PRKCH: variants seen among roughly 807,000 people sequenced by gnomAD.
PRKCH encodes the protein protein kinase C eta, also known as protein kinase C eta type.
In PRKCH, 28 loss-of-function variants were observed where a neutral mutation model predicts 82.5. That is an observed-to-expected ratio of 0.34 (90% CI 0.25 to 0.47). The LOEUF (loss-of-function observed/expected upper bound fraction) is 0.47. PRKCH is among the 20% of genes least tolerant of loss of function. The probability of loss-of-function intolerance (pLI) is 1.00; values close to 1 mark genes in which losing one functional copy is unlikely to be tolerated. For synonymous variants in PRKCH, 322 were observed against 327.4 expected (o/e 0.98, Z 0.18); for missense variants, 705 against 881.8 (o/e 0.80, Z 2.54).
chr14:61,237,157 C>T (rs149864686), intron 1 of PRKCH, among the ~76,000 whole-genome samples: 2 of 150,970 alleles, frequency 1.3e-5, no homozygotes, highest in African/African-American at 2.4e-5. Flanking sequence ...GCAGAAGAAT[C>T]GCTTGAACCC....
At chr14:61,468,100 G>A (rs1885339242) in intron 9 of PRKCH, among the ~76,000 whole-genome samples, 1 of 152,192 alleles carries the variant, frequency 6.6e-6, no homozygotes, top group African/African-American at 2.4e-5. Flanking sequence ...CGGGAATAGA[G>A]GCAGTTTTCC....
intron 1 of PRKCH, among the ~76,000 whole-genome samples, chr14:61,359,087 T>G (rs1385591658): frequency 6.6e-6 from 1 of 152,242 alleles, no homozygotes; most frequent in African/African-American, 2.4e-5. Flanking sequence ...CCATGTGTCA[T>G]TCCACCTCAT....
chr14:61,341,995 A>G (rs2045934850), intron 1 of PRKCH, among the ~76,000 whole-genome samples: 1 of 151,916 alleles, frequency 6.6e-6, no homozygotes, highest in Admixed American at 6.6e-5. Context: ...GAGGCATGAG[A>G]AAGGGTTCTC....
intron 1 of PRKCH, among the ~76,000 whole-genome samples, chr14:61,202,811 A>C (rs181343307): frequency 3.3e-5 from 5 of 152,114 alleles, no homozygotes; most frequent in African/African-American, 9.7e-5. Flanking sequence ...AATTTCGCCT[A>C]TTATTAATAT....
Position 61,440,720 on chromosome 14 carries a change from G to A in PRKCH, c.428-2391G>A, listed in dbSNP as rs985437061. Among the ~76,000 whole-genome samples, 5 of 151,864 alleles carry A rather than the reference G, an allele frequency of 3.3e-5. No individual in the cohort carries two copies. The South Asian group carries it at 6.2e-4, about 19-fold the overall frequency. On this transcript the variant is annotated intron_variant, in intron 2 of 13. Coordinates refer to ENST00000332981, the MANE Select transcript of PRKCH (RefSeq NM_006255.5). The stretch of plus-strand genomic sequence containing the variant: ...GAAACCCTGTCTCTACTAAAAATAC[G>A]AAAATTAGCTGGGCTTGGTGGTGTG...
chr14:61,401,864 G>C (rs1881639670), intron 2 of PRKCH, among the ~76,000 whole-genome samples: 1 of 152,170 alleles, frequency 6.6e-6, no homozygotes, highest in Admixed American at 6.5e-5. Context: ...TTTTTGCATG[G>C]AACACCATTT....
chr14:61,224,641 A>G (rs1294156481), intron 1 of PRKCH, among the ~76,000 whole-genome samples: 1 of 152,212 alleles, frequency 6.6e-6, no homozygotes, highest in Non-Finnish European at 1.5e-5. Flanking sequence ...AGGGGAAACC[A>G]CAGAGGTATA....
At chr14:61,189,572 C>T (rs766672919) in intron 1 of PRKCH, among the ~76,000 whole-genome samples, 5 of 151,846 alleles carry the variant, frequency 3.3e-5, no homozygotes, top group African/African-American at 7.3e-5. Flanking sequence ...AGGGGAGGCA[C>T]ATTTTCCTCT....
At chr14:61,371,215 A>C (rs1188848067) in intron 1 of PRKCH, among the ~76,000 whole-genome samples, 1 of 152,148 alleles carries the variant, frequency 6.6e-6, no homozygotes, top group East Asian at 1.9e-4. Context: ...AAGATAGTGC[A>C]GAGAATTCCC....
chr14:61,410,856 T>C (rs1882231413), intron 2 of PRKCH, among the ~76,000 whole-genome samples: 1 of 152,208 alleles, frequency 6.6e-6, no homozygotes, highest in South Asian at 2.1e-4. Context: ...CACTGACCAG[T>C]GTGCCTGGCT....
chr14:61,393,960 A>G (rs2046728373), intron 2 of PRKCH, among the ~76,000 whole-genome samples: 1 of 152,172 alleles, frequency 6.6e-6, no homozygotes, highest in Non-Finnish European at 1.5e-5. Flanking sequence ...TGTTTAAAAT[A>G]TATTTTCCAG....
intron 12 of PRKCH, among the ~76,000 whole-genome samples, chr14:61,534,215 T>C (rs1430617553): frequency 6.6e-6 from 1 of 152,192 alleles, no homozygotes; most frequent in Non-Finnish European, 1.5e-5. Context: ...CTTCTGGATA[T>C]TTACCCAAAA....
intron 10 of PRKCH, among the ~76,000 whole-genome samples, chr14:61,501,351 A>G (rs781730270): frequency 6.6e-5 from 10 of 152,122 alleles, no homozygotes; most frequent in Non-Finnish European, 1.3e-4. Flanking sequence ...TAAAAGAAAG[A>G]ATACATTAGA....
At chr14:61,237,874 G>A (rs929085706) in intron 1 of PRKCH, among the ~76,000 whole-genome samples, 1 of 152,168 alleles carries the variant, frequency 6.6e-6, no homozygotes, top group Non-Finnish European at 1.5e-5. Context: ...CTTAACCTTG[G>A]CAAAATAAAC....
intron 1 of PRKCH, among the ~76,000 whole-genome samples, chr14:61,380,953 A>G (rs945174060): frequency 1.3e-5 from 2 of 152,142 alleles, no homozygotes; most frequent in African/African-American, 4.8e-5. Context: ...AGTAATTCTA[A>G]GTTTAAATTT....
chr14:61,246,056 T>C (rs1434960117), intron 1 of PRKCH, among the ~76,000 whole-genome samples: 1 of 152,138 alleles, frequency 6.6e-6, no homozygotes, highest in Non-Finnish European at 1.5e-5. Flanking sequence ...AGTGCTGCTA[T>C]TCATTGGACA....
At chr14:61,374,538 G>A (rs2046405173) in intron 1 of PRKCH, among the ~76,000 whole-genome samples, 1 of 152,042 alleles carries the variant, frequency 6.6e-6, no homozygotes, top group African/African-American at 2.4e-5. Flanking sequence ...TGAAATCTAG[G>A]TGGAGGCTCC....
At chr14:61,378,592 G>A (rs1321841141) in intron 1 of PRKCH, among the ~76,000 whole-genome samples, 1 of 152,124 alleles carries the variant, frequency 6.6e-6, no homozygotes, top group African/African-American at 2.4e-5. Context: ...CTCTCCATCT[G>A]AATTTTCAGA....
intron 9 of PRKCH, among the ~76,000 whole-genome samples, chr14:61,479,953 T>C (rs915310030): frequency 6.6e-6 from 1 of 152,230 alleles, no homozygotes; most frequent in Non-Finnish European, 1.5e-5. Flanking sequence ...CTTGTACTTG[T>C]GGTTGGCTGA....
Sources: allele counts gnomAD v4.1 joint callset (sites outside exome capture counted in the v4.1 genomes callset), GRCh38; gene constraint gnomAD v4.1.1; transcripts MANE v1.5; gene names NCBI Gene and HGNC (gene_info 2026-07-23, HGNC 2026-07-21).